Variants in ZNF778 observed in about 807,000 individuals in gnomAD.
ZNF778 encodes the protein zinc finger protein 778.
In ZNF778, 37 loss-of-function variants were observed where a neutral mutation model predicts 23.9. That is an observed-to-expected ratio of 1.54 (90% CI 1.19 to 2.03). ZNF778 has a LOEUF of 2.03. Among genes scored for constraint, ZNF778 ranks in the 30% most tolerant of loss-of-function variants. The probability of loss-of-function intolerance (pLI) is 0.00; values close to 1 mark genes in which losing one functional copy is unlikely to be tolerated. For missense variants in ZNF778, 1,297 were observed against 934.4 expected, an observed-to-expected ratio of 1.39 and a Z score of -5.06; for synonymous variants, 483 against 343.9, an observed-to-expected ratio of 1.40 and a Z score of -4.48.
In ZNF778 at chr16:89,232,498, C is replaced by T. The variant is rs979120749; in HGVS notation, c.*3936C>T. ...ACTGCAAGTACTGGTTAGGCAGATA[C>T]CTGTATTTCTCTTCCTAACTCTCAG... On this transcript the variant is annotated 3_prime_UTR_variant, in exon 7 of 7. Coordinates refer to ENST00000433976, the MANE Select transcript of ZNF778 (RefSeq NM_001201407.2). The T allele has an allele frequency of 1.1e-5, 6 of 545,816 alleles. No homozygotes were observed. Among genetic ancestry groups the T allele is most frequent in the Non-Finnish European group, 1.1e-5 (4 of 358,574 alleles). The allele number at this position is 545,816 out of a possible 1,614,324, so 33.8% of individuals were successfully genotyped here.
rs946969484 is a variant in ZNF778, at chr16:89,222,206, C to G, written c.117+23C>G. On this transcript the variant is annotated intron_variant, in intron 3 of 6. Transcript: ENST00000433976. ...CAGGTATGCCAAAACTGTATTTTTT[C>G]TTAAAATAACATACTGGTATTCAGC... 1.0e-5 allele frequency: 16 copies of G among 1,557,958 alleles called. No individual in the cohort carries two copies. The African/African-American group carries it at 2.0e-4, about 20-fold the overall frequency.
intron 5 of ZNF778, 126 bp downstream of exon 5, chr16:89,224,928 C>A: frequency 1.5e-6 from 1 of 662,596 alleles, no homozygotes; most frequent in South Asian, 1.6e-5. Flanking sequence ...TCCTGAGTGT[C>A]GAGTTTAGCG....
In ZNF778 at chr16:89,227,296, CT is replaced by C; in HGVS notation, c.1009del (p.Cys337ValfsTer44). On this transcript the variant is annotated frameshift_variant, in exon 7 of 7. Transcript: ENST00000433976. LOFTEE classifies it low-confidence loss of function (END_TRUNC). Reference sequence around the variant, plus strand: ...TAAGAATTCATGCTGCAGAGAAACCCTGTGAATGTAAAGAATGCGGAAAAGC... The same window carrying C: ...TAAGAATTCATGCTGCAGAGAAACCCGTGAATGTAAAGAATGCGGAAAAGC... ...HVRIHAAEKP[C>X]ECKECGKAFT... is the part of the protein sequence containing the mutation. The C allele has an allele frequency of 2.5e-6, 4 of 1,613,888 alleles. No homozygotes were observed. The highest frequency in any genetic ancestry group is 3.4e-6 in the Non-Finnish European group (4 of 1,179,820).
rs2031621051 is a variant in ZNF778 at position 89,227,693 on chromosome 16, A to G, written c.1405A>G (p.Arg469Gly). 1.9e-6 allele frequency: 3 copies of G among 1,614,116 alleles called. No homozygotes were observed. The highest frequency in any genetic ancestry group is 2.2e-5 in the South Asian group (2 of 91,092). Residue 469 changes from arginine (R) to glycine (G), a missense_variant, in exon 7 of 7, where the codon AGG becomes GGG. Coordinates refer to ENST00000433976, the MANE Select transcript of ZNF778 (RefSeq NM_001201407.2). The stretch of plus-strand genomic sequence containing the variant: ...ATCCTCGGGCCTTACTGAGCATGTA[A>G]GGACTCACACTGGAGAGAAACCATA... The part of the protein sequence containing the change: ...CTSSGLTEHV[R>G]THTGEKPYEC...
rs1435191159 is a variant in ZNF778 at position 89,230,862 on chromosome 16, C to T, written c.*2300C>T. The T allele has an allele frequency of 6.6e-6, 1 of 151,846 alleles. No homozygotes were observed. Among genetic ancestry groups the T allele is most frequent in the Admixed American group, 6.6e-5 (1 of 15,226 alleles). 9.4% of individuals were successfully genotyped at this position (151,846 alleles called of 1,614,324 possible). The stretch of plus-strand genomic sequence containing the variant: ...CACCTTCATATTACGTGTTTGAAAT[C>T]CTGGATGGACAGACCCGTCCACCTT... On this transcript the variant is annotated 3_prime_UTR_variant, in exon 7 of 7. Coordinates refer to ENST00000433976, the MANE Select transcript of ZNF778 (RefSeq NM_001201407.2).
At chr16:89,226,590 T>G in intron 6 of ZNF778, 104 bp from the exon 7 acceptor site, 1 of 1,058,800 alleles carries the variant, frequency 9.4e-7, no homozygotes, top group Non-Finnish European at 1.3e-6. Flanking sequence ...GTTATGAAAA[T>G]GGCAAAAATC....
chr16:89,218,752 C>T (rs1358545758), intron 1 of ZNF778, among the ~76,000 whole-genome samples: 3 of 151,684 alleles, frequency 2.0e-5, no homozygotes, highest in Non-Finnish European at 4.4e-5. Flanking sequence ...GATGGCGCCA[C>T]TGCACTCCAG....
chr16:89,228,264 A>G lies in ZNF778; in HGVS notation c.1976A>G (p.His659Arg), dbSNP rs780102417. ...ECGKAFASSS[H>R]LIEHRRTHTG... is the part of the protein sequence containing the mutation. Reference sequence around the variant, plus strand: ...GGGAAAGCCTTTGCTTCCTCCTCACACCTTATCGAACACAGAAGGACTCAC... The same window carrying G: ...GGGAAAGCCTTTGCTTCCTCCTCACGCCTTATCGAACACAGAAGGACTCAC... Residue 659 changes from histidine (H) to arginine (R), a missense_variant, in exon 7 of 7, where the codon CAC (histidine) becomes CGC (arginine). By Grantham distance (29) the His-to-Arg change is conservative (BLOSUM62 0). Coordinates refer to ENST00000433976, the MANE Select transcript of ZNF778 (RefSeq NM_001201407.2). 11 of 1,605,508 alleles carry G rather than the reference A, an allele frequency of 6.9e-6. No homozygotes were observed. The highest frequency in any genetic ancestry group is 1.1e-5 in the South Asian group (1 of 90,656).
Position 89,221,990 on chromosome 16 carries a change from C to T in ZNF778, c.26-102C>T, listed in dbSNP as rs144704722. 6.0e-4 allele frequency: 433 copies of T among 724,950 alleles called. 2 individuals are homozygous for T. Among genetic ancestry groups the T allele is most frequent in the Middle Eastern group, 3.2e-3 (13 of 4,012 alleles). 44.9% of individuals were successfully genotyped at this position (724,950 alleles called of 1,614,324 possible). A position where few individuals can be genotyped will look rare whatever the true frequency, so the allele number is the denominator to read the frequency against. ...GCGTTTTCCTGAGTGTGCAGGAGTA[C>T]GTGATAATTTCCTGCTAGGATGGAA... On this transcript the variant is annotated intron_variant, in intron 2 of 6. Coordinates refer to ENST00000433976, the MANE Select transcript of ZNF778 (RefSeq NM_001201407.2).
chr16:89,234,100 G>A lies in ZNF778; in HGVS notation c.*5538G>A, dbSNP rs1292581983. The A allele has an allele frequency of 3.8e-6, 2 of 531,810 alleles. No individual in the cohort carries two copies. The highest frequency in any genetic ancestry group is 2.4e-5 in the Admixed American group (1 of 42,516). 32.9% of individuals were successfully genotyped at this position (531,810 alleles called of 1,614,324 possible). ...CCTTGGGCCCTGCCTGGAGTGATGT[G>A]CCGCCTTCTCTTGACACTGTGAGTG... On this transcript the variant is annotated 3_prime_UTR_variant, in exon 7 of 7. Transcript: ENST00000433976.
rs1597373923 is a variant in ZNF778 at position 89,234,211 on chromosome 16, C to T, written c.*5649C>T. 6 of 368,078 alleles carry T rather than the reference C, an allele frequency of 1.6e-5. No individual in the cohort carries two copies. The highest frequency in any genetic ancestry group is 1.5e-4 in the East Asian group (2 of 13,744). The allele number at this position is 368,078 out of a possible 1,614,324, so 22.8% of individuals were successfully genotyped here. ...TAGGCCCCACCAGTGGTGTGGTTTT[C>T]CTCATAGTCTCTCTACCTAAGCACA... On this transcript the variant is annotated 3_prime_UTR_variant, in exon 7 of 7. Transcript: ENST00000433976.
chr16:89,218,255 A>G (rs560716541), intron 1 of ZNF778: 2 of 152,352 alleles, frequency 1.3e-5, no homozygotes, highest in East Asian at 1.9e-4. Context: ...ATCTGAATCT[A>G]ATAAAAATGT....
chr16:89,221,398 G>A (rs139386631), intron 2 of ZNF778, among the ~76,000 whole-genome samples: 16 of 152,254 alleles, frequency 1.1e-4, no homozygotes, highest in Admixed American at 3.3e-4. Flanking sequence ...TCCTCAAGGC[G>A]TACCGTTCCA....
intron 1 of ZNF778, among the ~76,000 whole-genome samples, chr16:89,218,644 A>C (rs564364749): frequency 1.3e-4 from 20 of 151,882 alleles, no homozygotes; most frequent in African/African-American, 4.4e-4. Context: ...ACAAAAAATT[A>C]GCCGGGCGTG....
rs1028068984 is a variant in ZNF778, at chr16:89,234,972, C to T, written c.*6410C>T. 3.9e-5 allele frequency: 6 copies of T among 152,108 alleles called. No homozygotes were observed. The highest frequency in any genetic ancestry group is 1.4e-4 in the African/African-American group (6 of 41,406). The allele number at this position is 152,108 out of a possible 1,614,324, so 9.4% of individuals were successfully genotyped here. A position where few individuals can be genotyped will look rare whatever the true frequency, so the allele number is the denominator to read the frequency against. ...CATACTCAAATTTATACAACCTTTCCTTTATCTTCATCAGAAATTTCTTTT... is the reference window on the plus strand; with the variant it reads ...CATACTCAAATTTATACAACCTTTCTTTTATCTTCATCAGAAATTTCTTTT... On this transcript the variant is annotated 3_prime_UTR_variant, in exon 7 of 7. Coordinates refer to ENST00000433976, the MANE Select transcript of ZNF778 (RefSeq NM_001201407.2).
intron 6 of ZNF778, among the ~76,000 whole-genome samples, chr16:89,226,283 G>A (rs990920756): frequency 2.0e-5 from 3 of 151,866 alleles, no homozygotes; most frequent in Non-Finnish European, 4.4e-5. Context: ...TTAGCTCGCC[G>A]CAACCTCTGC....
Position 89,229,447 on chromosome 16 carries a change from A to G in ZNF778, c.*885A>G, listed in dbSNP as rs1315723718. 2 of 975,260 alleles carry G rather than the reference A, an allele frequency of 2.1e-6. No homozygotes were observed. The highest frequency in any genetic ancestry group is 2.4e-6 in the Non-Finnish European group (2 of 826,438). 60.4% of individuals were successfully genotyped at this position (975,260 alleles called of 1,614,324 possible). A position where few individuals can be genotyped will look rare whatever the true frequency, so the allele number is the denominator to read the frequency against. ...AGGCTCTGGTTGGTTAGTCTTGAGG[A>G]TGCAGATGTGATTCTGTGTGAGCAG... On this transcript the variant is annotated 3_prime_UTR_variant, in exon 7 of 7. Transcript: ENST00000433976.
rs778116298 is a variant in ZNF778, at chr16:89,226,718, C to T, written c.430C>T (p.Leu144Phe). Reference sequence around the variant, plus strand: ...GGCAAGAAGCCACAATGGAGGGCAGCTCTGTGACCGCACGCAGTGTGGAGA... The same window carrying T: ...GGCAAGAAGCCACAATGGAGGGCAGTTCTGTGACCGCACGCAGTGTGGAGA... Reference protein sequence around the residue: ...QTARSHNGGQLCDRTQCGEAF... With the variant: ...QTARSHNGGQFCDRTQCGEAF... Residue 144 changes from leucine to phenylalanine, a missense_variant, in exon 7 of 7, where the codon CTC (leucine) becomes TTC (phenylalanine). Coordinates refer to ENST00000433976, the MANE Select transcript of ZNF778 (RefSeq NM_001201407.2). The T allele has an allele frequency of 6.2e-7, 1 of 1,612,730 alleles. No homozygotes were observed. Among genetic ancestry groups the T allele is most frequent in the East Asian group, 2.2e-5 (1 of 44,868 alleles).
chr16:89,221,267 C>A, intron 2 of ZNF778, 115 bp downstream of exon 2: 2 of 1,231,816 alleles, frequency 1.6e-6, no homozygotes, highest in Non-Finnish European at 2.3e-6. Flanking sequence ...CCTATTGCAG[C>A]TGCTGGAGTG....
Sources: allele counts gnomAD v4.1 joint callset (sites outside exome capture counted in the v4.1 genomes callset), GRCh38; gene constraint gnomAD v4.1.1; transcripts MANE v1.5; gene names NCBI Gene and HGNC (gene_info 2026-07-23, HGNC 2026-07-21).